The following C8orf34 variants were observed in gnomAD, a reference collection of about 807,000 sequenced individuals.
C8orf34 encodes the protein chromosome 8 open reading frame 34.
In C8orf34, 65 loss-of-function variants were observed where a neutral mutation model predicts 68.3. The ratio of observed to expected loss-of-function variants is 0.95; its 90% CI spans 0.78 to 1.17. The LOEUF is 1.17. C8orf34 is among the 50% of genes most tolerant of loss of function. The pLI, the probability that C8orf34 is intolerant of heterozygous loss-of-function variation, is 0.00. For synonymous variants in C8orf34, 244 were observed against 241.2 expected (o/e 1.01, Z -0.11); for missense variants, 664 against 655.4 (o/e 1.01, Z -0.14).
intron 7 of C8orf34, among the ~76,000 whole-genome samples, chr8:68,594,822 T>A (rs1416342562): frequency 6.6e-6 from 1 of 152,174 alleles, no homozygotes. Flanking sequence ...CTATTTCTGC[T>A]ATTCTGTTTT....
Position 68,556,294 on chromosome 8 carries a change from CTTT to C in C8orf34, c.1105+23161_1105+23163del, listed in dbSNP as rs201095460. Among the ~76,000 whole-genome samples, 234 of 105,826 alleles carry C rather than the reference CTTT, an allele frequency of 2.2e-3. 2 individuals are homozygous for C. In the East Asian group the frequency reaches 0.046, roughly 21 times the overall value. The allele number at this position is 105,826 out of a possible 152,430, so 69.4% of individuals were successfully genotyped here. A position where few individuals can be genotyped will look rare whatever the true frequency, so the allele number is the denominator to read the frequency against. On this transcript the variant is annotated intron_variant, in intron 7 of 13. Coordinates refer to ENST00000518698, the MANE Select transcript of C8orf34 (RefSeq NM_052958.4). ...GAGCAGTATTAAGGAAGGAGGGAAT[CTTT>C]TTTTTTTTTTTTTTTGCTTTATATA...
At chr8:68,677,087 T>G (rs1820214036) in intron 8 of C8orf34, among the ~76,000 whole-genome samples, 1 of 152,158 alleles carries the variant, frequency 6.6e-6, no homozygotes, top group Admixed American at 6.5e-5. Context: ...CTATATCAGA[T>G]TTCATGGAAT....
chr8:68,660,811 A>C (rs1411242785), intron 8 of C8orf34, among the ~76,000 whole-genome samples: 1 of 151,964 alleles, frequency 6.6e-6, no homozygotes, highest in South Asian at 2.1e-4. Context: ...CTTGCAAGAC[A>C]CCTTCCAAAA....
intron 12 of C8orf34, 69 bp downstream of exon 12, chr8:68,787,605 A>C: frequency 4.4e-6 from 5 of 1,131,872 alleles, no homozygotes; most frequent in African/African-American, 1.6e-5. Context: ...AAGCTATTTC[A>C]CTTTCATAGC....
At chr8:68,697,630 C>T (rs1482445377) in intron 8 of C8orf34, among the ~76,000 whole-genome samples, 1 of 152,066 alleles carries the variant, frequency 6.6e-6, no homozygotes, top group Non-Finnish European at 1.5e-5. Context: ...TGGGCCACCA[C>T]AGGGAAGGTT....
chr8:68,598,703 T>C (rs1817616026), intron 7 of C8orf34, among the ~76,000 whole-genome samples: 1 of 152,150 alleles, frequency 6.6e-6, no homozygotes, highest in African/African-American at 2.4e-5. Context: ...ATTCTAATAG[T>C]AATTAGGTGA....
intron 12 of C8orf34, among the ~76,000 whole-genome samples, chr8:68,804,042 G>T: frequency 6.6e-6 from 1 of 152,116 alleles, no homozygotes; most frequent in Non-Finnish European, 1.5e-5. Flanking sequence ...AAAATCATCA[G>T]TAACATCTTC....
intron 11 of C8orf34, among the ~76,000 whole-genome samples, chr8:68,777,302 G>C (rs1392808179): frequency 6.6e-6 from 1 of 152,206 alleles, no homozygotes; most frequent in East Asian, 1.9e-4. Context: ...TTCCCACCTG[G>C]AGAGAACTGA....
chr8:68,785,668 G>A (rs1173534623), intron 11 of C8orf34, among the ~76,000 whole-genome samples: 1 of 151,970 alleles, frequency 6.6e-6, no homozygotes, highest in Non-Finnish European at 1.5e-5. Context: ...TTCATTCTTG[G>A]ATTCCCCAAC....
intron 7 of C8orf34, among the ~76,000 whole-genome samples, chr8:68,572,374 A>G (rs1816783556): frequency 6.6e-6 from 1 of 151,980 alleles, no homozygotes; most frequent in South Asian, 2.1e-4. Flanking sequence ...TTAACACTAC[A>G]TACTACCTAT....
chr8:68,347,096 G>T (rs778151415), intron 1 of C8orf34, among the ~76,000 whole-genome samples: 15 of 151,710 alleles, frequency 9.9e-5, no homozygotes, highest in African/African-American at 2.4e-4. Context: ...TATCATTTCT[G>T]CTCCTCTTCC....
chr8:68,777,957 G>A (rs146583041), intron 11 of C8orf34, among the ~76,000 whole-genome samples: 88 of 152,250 alleles, frequency 5.8e-4, no homozygotes, highest in African/African-American at 2.0e-3. Flanking sequence ...TAGGGGTTTA[G>A]TATTACTCAG....
chr8:68,691,194 A>G (rs1383408635), intron 8 of C8orf34, among the ~76,000 whole-genome samples: 2 of 151,958 alleles, frequency 1.3e-5, no homozygotes, highest in Non-Finnish European at 2.9e-5. Context: ...AAGATACTGC[A>G]TTGTTTGCAA....
intron 1 of C8orf34, among the ~76,000 whole-genome samples, chr8:68,354,993 A>AT (rs58306416): frequency 6.6e-6 from 1 of 152,072 alleles, no homozygotes; most frequent in Non-Finnish European, 1.5e-5. Flanking sequence ...GAAAAAAAAA[A>AT]CATTGAAAAT....
chr8:68,772,705 CTCTTT>C (rs1563660558), intron 10 of C8orf34, among the ~76,000 whole-genome samples: 3 of 136,084 alleles, frequency 2.2e-5, no homozygotes, highest in African/African-American at 8.2e-5. Context: ...CTCCCTCCCT[CTCTTT>C]CTTTCTTTCT....
Position 68,487,501 on chromosome 8 carries a change from G to A in C8orf34, c.737-522G>A, listed in dbSNP as rs111679197. On this transcript the variant is annotated intron_variant, in intron 4 of 13. Transcript: ENST00000518698. The stretch of plus-strand genomic sequence containing the variant: ...GAACTTGTGATGAAGAATCATTTAC[G>A]CATTGGCTCGAGGAGCTGTCAATCT... Among the ~76,000 whole-genome samples, 1,329 of 152,226 alleles carry A rather than the reference G, an allele frequency of 8.7e-3. 19 individuals are homozygous for A. Among genetic ancestry groups the A allele is most frequent in the African/African-American group, 0.027 (1,127 of 41,540 alleles).
At chr8:68,352,754 G>A (rs894976431) in intron 1 of C8orf34, among the ~76,000 whole-genome samples, 4 of 152,048 alleles carry the variant, frequency 2.6e-5, no homozygotes, top group African/African-American at 9.7e-5. Context: ...TTTCATTGTA[G>A]GAATGTATTT....
intron 8 of C8orf34, among the ~76,000 whole-genome samples, chr8:68,707,166 T>A (rs1425444920): frequency 1.3e-5 from 2 of 152,174 alleles, no homozygotes; most frequent in Admixed American, 6.5e-5. Flanking sequence ...ACAGAAGTGG[T>A]GCTGTGTGGG....
intron 4 of C8orf34, among the ~76,000 whole-genome samples, chr8:68,483,639 G>A (rs1812953713): frequency 6.6e-6 from 1 of 152,228 alleles, no homozygotes; most frequent in South Asian, 2.1e-4. Flanking sequence ...GGGTTGATCA[G>A]AAGTCAACAT....
Sources: allele counts gnomAD v4.1 joint callset (sites outside exome capture counted in the v4.1 genomes callset), GRCh38; gene constraint gnomAD v4.1.1; transcripts MANE v1.5; gene names NCBI Gene and HGNC (gene_info 2026-07-23, HGNC 2026-07-21).